Variants in SEMA6A observed in about 807,000 individuals in gnomAD.
SEMA6A encodes semaphorin-6A.
In SEMA6A, 25 loss-of-function variants were observed where a neutral mutation model predicts 96.8. The ratio of observed to expected loss-of-function variants is 0.26; its 90% CI spans 0.19 to 0.36. The LOEUF (loss-of-function observed/expected upper bound fraction) is 0.36. Ranked by LOEUF, SEMA6A falls within the 10% of genes least tolerant of loss-of-function variation. SEMA6A has a pLI of 1.00. For missense variants in SEMA6A, 1,363 were observed against 1,323.1 expected (o/e 1.03, Z -0.47); for synonymous variants, 612 against 518.0 (o/e 1.18, Z -2.46).
At chr5:116,571,289 G>C (rs966166628) in intron 1 of SEMA6A, among the ~76,000 whole-genome samples, 1 of 152,044 alleles carries the variant, frequency 6.6e-6, no homozygotes, top group Non-Finnish European at 1.5e-5. Context: ...TCAGCTGATG[G>C]CTCCTCAGAA....
At chr5:116,452,138 G>A (rs1032543079) in intron 18 of SEMA6A, among the ~76,000 whole-genome samples, 2 of 152,160 alleles carry the variant, frequency 1.3e-5, no homozygotes, top group Non-Finnish European at 2.9e-5. Flanking sequence ...AACAATCAGA[G>A]TTGGCTTCTC....
Position 116,489,060 on chromosome 5 carries a change from G to A in SEMA6A, c.536-53C>T, listed in dbSNP as rs968193772. The A allele has an allele frequency of 2.7e-6, 4 of 1,505,144 alleles. No homozygotes were observed. The African/African-American group carries it at 4.2e-5, about 16-fold the overall frequency. The allele number at this position is 1,505,144 out of a possible 1,614,324, so 93.2% of individuals were successfully genotyped here. A position where few individuals can be genotyped will look rare whatever the true frequency, so the allele number is the denominator to read the frequency against. ...AGGGTGGGAGCAAGTCAGTGGGGGTGGAGGAATAATAAAGACATCCCCTAG... is the reference window on the plus strand; with the variant it reads ...AGGGTGGGAGCAAGTCAGTGGGGGTAGAGGAATAATAAAGACATCCCCTAG... On this transcript the variant is annotated intron_variant, in intron 7 of 18. Coordinates refer to ENST00000343348, the MANE Select transcript of SEMA6A (RefSeq NM_020796.5).
chr5:116,520,048 C>A (rs1247912986), intron 1 of SEMA6A, among the ~76,000 whole-genome samples: 1 of 152,134 alleles, frequency 6.6e-6, no homozygotes, highest in Non-Finnish European at 1.5e-5. Context: ...ATTCTGGGCA[C>A]AAAAGGCACC....
intron 7 of SEMA6A, among the ~76,000 whole-genome samples, chr5:116,491,198 C>T (rs927185744): frequency 2.6e-5 from 4 of 152,096 alleles, no homozygotes; most frequent in African/African-American, 9.7e-5. Context: ...TTGTTTCTTT[C>T]CCTTTCTTTT....
At chr5:116,546,316 A>G (rs376766967) in intron 1 of SEMA6A, among the ~76,000 whole-genome samples, 28 of 152,358 alleles carry the variant, frequency 1.8e-4, no homozygotes, top group African/African-American at 4.8e-4. Context: ...TTGCTTTACA[A>G]CTTGAAAGAT....
At chr5:116,476,733 C>T (rs539819713) in intron 15 of SEMA6A, among the ~76,000 whole-genome samples, 1 of 152,320 alleles carries the variant, frequency 6.6e-6, no homozygotes, top group South Asian at 2.1e-4. Flanking sequence ...CTCATAGCTC[C>T]CCTCACCATG....
chr5:116,532,086 T>C (rs1315834850), intron 1 of SEMA6A, among the ~76,000 whole-genome samples: 1 of 152,184 alleles, frequency 6.6e-6, no homozygotes, highest in Non-Finnish European at 1.5e-5. Context: ...AACGCTTCTA[T>C]AGAAGTAAAA....
chr5:116,568,678 T>C (rs1246688840), intron 1 of SEMA6A, among the ~76,000 whole-genome samples: 1 of 152,180 alleles, frequency 6.6e-6, no homozygotes, highest in Admixed American at 6.5e-5. Flanking sequence ...GTCTCACAGA[T>C]GTGTGCTCTT....
At chr5:116,560,178 T>C (rs991974049) in intron 1 of SEMA6A, among the ~76,000 whole-genome samples, 1 of 152,190 alleles carries the variant, frequency 6.6e-6, no homozygotes, top group African/African-American at 2.4e-5. Flanking sequence ...TTGAAATGCT[T>C]CCTCCTTCAA....
intron 18 of SEMA6A, among the ~76,000 whole-genome samples, chr5:116,458,365 T>C (rs1755149797): frequency 6.6e-6 from 1 of 152,144 alleles, no homozygotes; most frequent in African/African-American, 2.4e-5. Context: ...CAGAAAACTT[T>C]GTCATTGTGT....
chr5:116,447,524 G>A lies in SEMA6A; in HGVS notation c.2182C>T (p.His728Tyr). Residue 728 changes from histidine to tyrosine, a missense_variant, in exon 19 of 19, where the codon CAC becomes TAC. His to Tyr is a moderately conservative substitution (Grantham distance 83). Transcript: ENST00000343348. The part of the protein sequence containing the change: ...KPEAILTPLM[H>Y]NGKLATPGNT... ...CCGGGAGTGGCGAGCTTGCCGTTGT[G>A]CATGAGTGGCGTGAGGATGGCCTCC... is the stretch of plus-strand genomic sequence containing the variant. 1.2e-6 allele frequency: 2 copies of A among 1,614,086 alleles called. No homozygotes were observed. The highest frequency in any genetic ancestry group is 8.5e-7 in the Non-Finnish European group (1 of 1,179,908).
At chr5:116,465,108 T>C (rs1755647877) in intron 18 of SEMA6A, among the ~76,000 whole-genome samples, 1 of 152,056 alleles carries the variant, frequency 6.6e-6, no homozygotes, top group African/African-American at 2.4e-5. Flanking sequence ...AGAAAACCCA[T>C]GAAACTCTTG....
intron 1 of SEMA6A, among the ~76,000 whole-genome samples, chr5:116,563,839 AC>A (rs1230042314): frequency 6.6e-6 from 1 of 152,190 alleles, no homozygotes; most frequent in African/African-American, 2.4e-5. Flanking sequence ...CTATTTTCTT[AC>A]CCTGCCAAAT....
chr5:116,523,571 CAA>C lies in SEMA6A; in HGVS notation c.-38-18591_-38-18590del, dbSNP rs375536025. Among the ~76,000 whole-genome samples the C allele has an allele frequency of 5.1e-3, 774 of 152,254 alleles. 5 individuals carry two copies. Among genetic ancestry groups the C allele is most frequent in the Middle Eastern group, 0.017 (5 of 294 alleles). On this transcript the variant is annotated intron_variant, in intron 1 of 18. Coordinates refer to ENST00000343348, the MANE Select transcript of SEMA6A (RefSeq NM_020796.5). ...AAGTGATCCACCCGCCTCAGTCTCC[CAA>C]AGTGTTGGGATTACATGCATGAGCC...
chr5:116,496,023 T>C (rs1580436406), intron 5 of SEMA6A: 3 of 465,072 alleles, frequency 6.5e-6, no homozygotes, highest in Non-Finnish European at 1.2e-5. Context: ...TAATCCTGTG[T>C]GCGCCTAAGT....
Position 116,562,664 on chromosome 5 carries a change from C to A in SEMA6A, c.-39+11521G>T, listed in dbSNP as rs926724523. The A allele has an allele frequency of 2.1e-5, 15 of 708,012 alleles. No individual in the cohort carries two copies. The Admixed American group carries it at 2.5e-4, about 12-fold the overall frequency. 43.9% of individuals were successfully genotyped at this position (708,012 alleles called of 1,614,324 possible). ...ATTTGGTGTCCGCCATATCGTTGCA[C>A]CCTTCAATGACACTTTTGTCCATGT... On this transcript the variant is annotated intron_variant, in intron 1 of 18. Transcript: ENST00000343348.
chr5:116,522,282 A>AT (rs1758992170), intron 1 of SEMA6A, among the ~76,000 whole-genome samples: 1 of 152,128 alleles, frequency 6.6e-6, no homozygotes, highest in South Asian at 2.1e-4. Flanking sequence ...ACTAGTTACT[A>AT]TTTTTTAAAC....
chr5:116,510,331 G>A (rs1429150150), intron 1 of SEMA6A, among the ~76,000 whole-genome samples: 2 of 152,104 alleles, frequency 1.3e-5, no homozygotes, highest in Non-Finnish European at 2.9e-5. Context: ...TGTACAGTGT[G>A]ACTGCCTCCA....
intron 1 of SEMA6A, chr5:116,550,536 A>G (rs1380244750): frequency 6.6e-6 from 1 of 152,202 alleles, no homozygotes; most frequent in East Asian, 1.9e-4. Flanking sequence ...TTTCTCAGAA[A>G]TGTTGATCTA....
Sources: gnomAD v4.1 joint callset for allele counts (sites outside exome capture counted in the v4.1 genomes callset) on GRCh38, gnomAD v4.1.1 for gene constraint, MANE v1.5 for transcripts, NCBI Gene and HGNC (gene_info 2026-07-23, HGNC 2026-07-21) for gene names.